SLC9A9: variants seen among roughly 807,000 people sequenced by gnomAD.
SLC9A9 encodes the protein sodium/hydrogen exchanger 9.
In SLC9A9, 62 loss-of-function variants were observed where a neutral mutation model predicts 77.8. The ratio of observed to expected loss-of-function variants is 0.80; its 90% CI spans 0.65 to 0.98. The LOEUF (loss-of-function observed/expected upper bound fraction) is 0.98. Among genes scored for constraint, SLC9A9 ranks in the 50% least tolerant of loss-of-function variants. SLC9A9 has a pLI of 0.00. For missense variants in SLC9A9, 775 were observed against 774.9 expected (o/e 1.00, Z 0.00); for synonymous variants, 320 against 283.5 (o/e 1.13, Z -1.29).
intron 14 of SLC9A9, among the ~76,000 whole-genome samples, chr3:143,344,963 TA>T (rs2032217110): frequency 6.6e-6 from 1 of 152,174 alleles, no homozygotes; most frequent in African/African-American, 2.4e-5. Flanking sequence ...CTGAGAGCAG[TA>T]AAACTGGTAA....
intron 4 of SLC9A9, among the ~76,000 whole-genome samples, chr3:143,793,293 A>G (rs2008275306): frequency 6.6e-6 from 1 of 152,220 alleles, no homozygotes; most frequent in Non-Finnish European, 1.5e-5. Context: ...TTCTAAAAAA[A>G]TGATATTGAA....
At chr3:143,652,178 G>T in intron 6 of SLC9A9, 77 bp downstream of exon 6, 2 of 1,190,266 alleles carry the variant, frequency 1.7e-6, no homozygotes, top group Non-Finnish European at 2.4e-6. Context: ...CCGTATCTCT[G>T]TGACATAAGA....
chr3:143,618,184 C>A (rs1394921909), intron 6 of SLC9A9, among the ~76,000 whole-genome samples: 1 of 152,096 alleles, frequency 6.6e-6, no homozygotes, highest in Non-Finnish European at 1.5e-5. Flanking sequence ...TTTCCTGAGC[C>A]CTCTTAGGGA....
intron 4 of SLC9A9, among the ~76,000 whole-genome samples, chr3:143,751,477 CAT>C (rs955335826): frequency 1.3e-5 from 2 of 152,252 alleles, no homozygotes; most frequent in Non-Finnish European, 2.9e-5. Context: ...ATGCTATAAA[CAT>C]ATGAAGACCT....
At chr3:143,835,658 C>G (rs2009549986) in intron 1 of SLC9A9, among the ~76,000 whole-genome samples, 1 of 152,154 alleles carries the variant, frequency 6.6e-6, no homozygotes, top group African/African-American at 2.4e-5. Flanking sequence ...TGTTTTTATA[C>G]CATTCAAAGA....
At chr3:143,411,454 C>T (rs2034094902) in intron 12 of SLC9A9, among the ~76,000 whole-genome samples, 1 of 152,142 alleles carries the variant, frequency 6.6e-6, no homozygotes, top group African/African-American at 2.4e-5. Context: ...TTCTCCAAGT[C>T]TCTTTTATTT....
At chr3:143,513,569 T>C (rs932070325) in intron 9 of SLC9A9, among the ~76,000 whole-genome samples, 1 of 152,222 alleles carries the variant, frequency 6.6e-6, no homozygotes, top group African/African-American at 2.4e-5. Flanking sequence ...ATCACAAATG[T>C]TCTTAATAGC....
At chr3:143,446,910 G>A (rs1033417181) in intron 12 of SLC9A9, among the ~76,000 whole-genome samples, 9 of 151,920 alleles carry the variant, frequency 5.9e-5, no homozygotes, top group African/African-American at 2.2e-4. Context: ...ATGCACACAT[G>A]TGTGCACACA....
intron 4 of SLC9A9, among the ~76,000 whole-genome samples, chr3:143,694,411 C>A (rs1177475164): frequency 6.6e-6 from 1 of 152,086 alleles, no homozygotes; most frequent in Non-Finnish European, 1.5e-5. Context: ...TAATAGCCCA[C>A]AGAATTGTTT....
At chr3:143,468,700 A>G (rs1183162094) in intron 11 of SLC9A9, among the ~76,000 whole-genome samples, 2 of 152,258 alleles carry the variant, frequency 1.3e-5, no homozygotes, top group Non-Finnish European at 2.9e-5. Context: ...TGAAAATTAA[A>G]TAATTAAATG....
chr3:143,718,244 T>C (rs1315698436), intron 4 of SLC9A9, among the ~76,000 whole-genome samples: 2 of 152,182 alleles, frequency 1.3e-5, no homozygotes, highest in Non-Finnish European at 2.9e-5. Context: ...TTTGCAATCT[T>C]TGGATGTGCA....
At chr3:143,269,004 T>A (rs1158121644) in intron 14 of SLC9A9, 24 bp from the exon 15 acceptor site, 1 of 1,522,638 alleles carries the variant, frequency 6.6e-7, no homozygotes, top group South Asian at 1.1e-5. Context: ...TAAGGAATAC[T>A]TGTCAACAGG....
chr3:143,379,588 C>G (rs895100211), intron 13 of SLC9A9, among the ~76,000 whole-genome samples: 2 of 152,186 alleles, frequency 1.3e-5, no homozygotes, highest in African/African-American at 4.8e-5. Context: ...GGCGCCATGT[C>G]AATGATAACG....
At chr3:143,298,174 C>A (rs989353173) in intron 14 of SLC9A9, among the ~76,000 whole-genome samples, 39 of 152,172 alleles carry the variant, frequency 2.6e-4, no homozygotes, top group African/African-American at 7.2e-4. Context: ...GGCTTCCCCC[C>A]ACGTTGATGT....
chr3:143,628,065 A>G (rs991337240), intron 6 of SLC9A9, among the ~76,000 whole-genome samples: 2 of 152,210 alleles, frequency 1.3e-5, no homozygotes, highest in Non-Finnish European at 2.9e-5. Context: ...TCTAAACACC[A>G]TTAGGAAAAT....
chr3:143,595,273 G>C (rs748782853), intron 6 of SLC9A9, among the ~76,000 whole-genome samples: 3 of 152,166 alleles, frequency 2.0e-5, no homozygotes, highest in Non-Finnish European at 4.4e-5. Context: ...TCAGAGTTCA[G>C]CAAAATTGAG....
intron 4 of SLC9A9, among the ~76,000 whole-genome samples, chr3:143,704,447 T>C (rs758030876): frequency 1.3e-5 from 2 of 152,088 alleles, no homozygotes; most frequent in Non-Finnish European, 1.5e-5. Flanking sequence ...GTGACACATA[T>C]GAACAGAATA....
intron 9 of SLC9A9, among the ~76,000 whole-genome samples, chr3:143,498,617 T>G (rs1211119507): frequency 6.6e-6 from 1 of 151,780 alleles, no homozygotes; most frequent in Non-Finnish European, 1.5e-5. Flanking sequence ...AAGAAAGAAA[T>G]GTTTTTCTTG....
At chr3:143,709,085 C>T (rs1560042590) in intron 4 of SLC9A9, among the ~76,000 whole-genome samples, 1 of 152,110 alleles carries the variant, frequency 6.6e-6, no homozygotes, top group East Asian at 1.9e-4. Flanking sequence ...GACCACCAAA[C>T]ATAAATGAGT....
Sources: gnomAD v4.1 joint callset for allele counts (sites outside exome capture counted in the v4.1 genomes callset) on GRCh38, gnomAD v4.1.1 for gene constraint, MANE v1.5 for transcripts, NCBI Gene and HGNC (gene_info 2026-07-23, HGNC 2026-07-21) for gene names.